Variants in ESRRG observed in about 807,000 individuals in gnomAD.
The protein encoded by ESRRG is estrogen related receptor gamma, also known as estrogen-related receptor gamma.
A neutral mutation model predicts 44.0 loss-of-function variants in ESRRG; 13 were observed. The observed-to-expected ratio is 0.30, with a 90% CI of 0.19 to 0.47. The LOEUF (loss-of-function observed/expected upper bound fraction) is 0.47. Ranked by LOEUF, ESRRG falls within the 20% of genes least tolerant of loss-of-function variation. The pLI, the probability that ESRRG is intolerant of heterozygous loss-of-function variation, is 1.00. For missense variants in ESRRG, 395 were observed against 580.6 expected, an observed-to-expected ratio of 0.68 and a Z score of 3.29; for synonymous variants, 215 against 214.6, an observed-to-expected ratio of 1.00 and a Z score of -0.02.
chr1:216,915,195 T>C (rs1173989128), intron 2 of ESRRG, among the ~76,000 whole-genome samples: 2 of 152,184 alleles, frequency 1.3e-5, no homozygotes, highest in East Asian at 3.9e-4. Context: ...CTGTGGTTAC[T>C]AGTTACCCAG....
intron 1 of ESRRG, among the ~76,000 whole-genome samples, chr1:217,098,212 C>T (rs1260891910): frequency 2.0e-5 from 3 of 152,278 alleles, no homozygotes; most frequent in East Asian, 1.9e-4. Flanking sequence ...CTTCAACCCT[C>T]CATCAGCAAG....
chr1:216,519,094 GA>G (rs2045281468), intron 6 of ESRRG, 57 bp downstream of exon 6: 5 of 1,480,798 alleles, frequency 3.4e-6, no homozygotes, highest in Non-Finnish European at 2.8e-6. Flanking sequence ...AAGTTAAGGA[GA>G]GGGGTAAAAC....
Position 216,513,162 on chromosome 1 carries a change from C to A in ESRRG, c.1133-5979G>T, listed in dbSNP as rs184235682. On this transcript the variant is annotated intron_variant, in intron 6 of 6. Coordinates refer to ENST00000408911, the MANE Select transcript of ESRRG (RefSeq NM_001438.4). ...AAGAAACTCATATACTCGTTAAGGT[C>A]TATATTTTTATGTGTTTTTGTGTTT... is the stretch of plus-strand genomic sequence containing the variant. Among the ~76,000 whole-genome samples, 8 of 152,188 alleles carry A rather than the reference C, an allele frequency of 5.3e-5. No homozygotes were observed. In the East Asian group the frequency reaches 1.4e-3, roughly 26 times the overall value.
At chr1:216,971,093 A>G (rs2071559410) in intron 1 of ESRRG, among the ~76,000 whole-genome samples, 1 of 152,192 alleles carries the variant, frequency 6.6e-6, no homozygotes, top group African/African-American at 2.4e-5. Context: ...TCATTCCAAT[A>G]GTTATCTGCT....
chr1:216,973,653 C>T (rs1238378211), intron 1 of ESRRG, among the ~76,000 whole-genome samples: 1 of 151,880 alleles, frequency 6.6e-6, no homozygotes, highest in African/African-American at 2.4e-5. Flanking sequence ...ATGGAGAAAC[C>T]CCATCTCCAC....
At chr1:217,088,128 C>A (rs867337556) in intron 1 of ESRRG, among the ~76,000 whole-genome samples, 3 of 151,810 alleles carry the variant, frequency 2.0e-5, no homozygotes, top group Non-Finnish European at 4.4e-5. Flanking sequence ...ACATTTCCGA[C>A]TCTTTTTCTC....
chr1:216,972,872 T>C (rs1235096161), intron 1 of ESRRG, among the ~76,000 whole-genome samples: 2 of 152,194 alleles, frequency 1.3e-5, no homozygotes, highest in African/African-American at 2.4e-5. Context: ...CTGGTTGATA[T>C]TAAAATGAGA....
chr1:216,758,135 T>A (rs1559525798), intron 2 of ESRRG, among the ~76,000 whole-genome samples: 1 of 152,092 alleles, frequency 6.6e-6, no homozygotes, highest in East Asian at 1.9e-4. Context: ...GTGATCTAAA[T>A]GTGCTCTGAA....
chr1:216,686,385 C>T (rs1031068252), intron 1 of ESRRG, among the ~76,000 whole-genome samples: 2 of 135,120 alleles, frequency 1.5e-5, no homozygotes, highest in Non-Finnish European at 3.1e-5. Context: ...ATATTTAATT[C>T]AAGCCATGGA....
At chr1:216,810,345 C>T (rs1021881990) in intron 2 of ESRRG, among the ~76,000 whole-genome samples, 1 of 151,928 alleles carries the variant, frequency 6.6e-6, no homozygotes, top group Non-Finnish European at 1.5e-5. Flanking sequence ...TAAATTAATC[C>T]TTACATGATT....
intron 2 of ESRRG, among the ~76,000 whole-genome samples, chr1:216,926,587 G>C (rs2062613984): frequency 6.6e-6 from 1 of 152,126 alleles, no homozygotes. Context: ...AATAATAGGA[G>C]AGAAACTAGC....
Position 216,906,115 on chromosome 1 carries a change from T to C in ESRRG, c.-14+33467A>G, listed in dbSNP as rs76519485. On this transcript the variant is annotated intron_variant, in intron 2 of 7. Transcript: ENST00000359162. ...ATTTGAGGATATGCACAGTATGTAC[T>C]AGTGATTAACAAAACATACTTTCTT... Among the ~76,000 whole-genome samples, 130 of 152,342 alleles carry C rather than the reference T, an allele frequency of 8.5e-4. 3 individuals carry two copies. In the East Asian group the frequency reaches 0.023, roughly 27 times the overall value.
intron 2 of ESRRG, among the ~76,000 whole-genome samples, chr1:216,906,822 T>C (rs1032138122): frequency 6.6e-6 from 1 of 152,224 alleles, no homozygotes; most frequent in Non-Finnish European, 1.5e-5. Context: ...TTCAACACAT[T>C]GGTTCCCTTT....
chr1:216,972,025 A>G (rs1006470204), intron 1 of ESRRG, among the ~76,000 whole-genome samples: 4 of 152,206 alleles, frequency 2.6e-5, no homozygotes, highest in African/African-American at 9.6e-5. Context: ...GTGTTTAGAC[A>G]TTATTACCTC....
chr1:216,511,144 T>A (rs1163227515), intron 6 of ESRRG, among the ~76,000 whole-genome samples: 1 of 152,148 alleles, frequency 6.6e-6, no homozygotes, highest in Non-Finnish European at 1.5e-5. Flanking sequence ...GTTTGTGAAC[T>A]GCCTACATAA....
chr1:216,656,881 G>A (rs556395058), intron 2 of ESRRG, among the ~76,000 whole-genome samples: 83 of 152,222 alleles, frequency 5.5e-4, no homozygotes, highest in Non-Finnish European at 4.6e-4. Context: ...GACCCACAGG[G>A]CACTCCAAGT....
intron 2 of ESRRG, among the ~76,000 whole-genome samples, chr1:216,841,532 G>A (rs1443027000): frequency 1.3e-5 from 2 of 151,498 alleles, no homozygotes; most frequent in Non-Finnish European, 2.9e-5. Context: ...TAACATAAAG[G>A]AACAAGGTCT....
At chr1:216,646,396 A>G (rs528806396) in intron 3 of ESRRG, among the ~76,000 whole-genome samples, 1 of 152,270 alleles carries the variant, frequency 6.6e-6, no homozygotes, top group East Asian at 1.9e-4. Flanking sequence ...CTGTATCTAC[A>G]TTAAATCTCT....
intron 3 of ESRRG, among the ~76,000 whole-genome samples, chr1:216,611,946 G>T (rs1264720778): frequency 2.0e-5 from 3 of 152,162 alleles, no homozygotes; most frequent in African/African-American, 4.8e-5. Flanking sequence ...CTATGAGCAG[G>T]CAAGTGGCTG....
Sources: gnomAD v4.1 joint callset for allele counts (sites outside exome capture counted in the v4.1 genomes callset) on GRCh38, gnomAD v4.1.1 for gene constraint, MANE v1.5 for transcripts, NCBI Gene and HGNC (gene_info 2026-07-23, HGNC 2026-07-21) for gene names.